Variants in DENND11 observed in about 807,000 individuals in gnomAD.
DENND11 encodes DENN domain containing 11.
A neutral mutation model predicts 49.2 loss-of-function variants in DENND11; 34 were observed. That is an observed-to-expected ratio of 0.69 (90% CI 0.53 to 0.92). The LOEUF (loss-of-function observed/expected upper bound fraction) is 0.92, where lower values mean the gene tolerates loss of function less well. Ranked by LOEUF, DENND11 falls within the 40% of genes least tolerant of loss-of-function variation. The pLI is 0.00. For synonymous variants in DENND11, 238 were observed against 230.3 expected (o/e 1.03, Z -0.30); for missense variants, 475 against 581.6 (o/e 0.82, Z 1.88).
intron 1 of DENND11, among the ~76,000 whole-genome samples, chr7:141,693,305 A>C (rs1798354966): frequency 6.6e-6 from 1 of 152,256 alleles, no homozygotes; most frequent in African/African-American, 2.4e-5. Flanking sequence ...AATAACAATG[A>C]GATATCATGA....
At chr7:141,664,793 CT>C (rs1267108724) in intron 7 of DENND11, 110 bp downstream of exon 7, 1 of 1,250,512 alleles carries the variant, frequency 8.0e-7, no homozygotes, top group Non-Finnish European at 1.1e-6. Context: ...AGCATGGAGA[CT>C]GGGAGAAATG....
Position 141,701,922 on chromosome 7 carries a change from C to T in DENND11, c.232G>A (p.Val78Met). The change falls in exon 1 of 9, where the codon GTG becomes ATG. Residue 78 changes from valine to methionine, a missense_variant. Transcript: ENST00000536163. ...TCGAAGGTGACCACGAACACGGCCA[C>T]CACCTGGTCCTCCTCCACGTCGCCC... ...ELGDVEEDQV[V>M]AVFVVTFDPR... is the part of the protein sequence containing the mutation. 2.5e-6 allele frequency: 3 copies of T among 1,212,012 alleles called. No homozygotes were observed. Among genetic ancestry groups the T allele is most frequent in the Non-Finnish European group, 3.1e-6 (3 of 974,906 alleles). The allele number at this position is 1,212,012 out of a possible 1,614,324, so 75.1% of individuals were successfully genotyped here.
chr7:141,699,053 G>T (rs965549498), intron 1 of DENND11, among the ~76,000 whole-genome samples: 1 of 152,162 alleles, frequency 6.6e-6, no homozygotes, highest in Non-Finnish European at 1.5e-5. Flanking sequence ...GCAGGCCAGC[G>T]AGAGAAACTA....
In DENND11 at chr7:141,680,480, T is replaced by C. The variant is rs142583765; in HGVS notation, c.527+4998A>G. 2.0e-3 allele frequency among the ~76,000 whole-genome samples: 300 copies of C among 152,172 alleles called. 1 individual carries two copies. Among genetic ancestry groups the C allele is most frequent in the African/African-American group, 6.7e-3 (280 of 41,568 alleles). On this transcript the variant is annotated intron_variant, in intron 3 of 8. Coordinates refer to ENST00000536163, the MANE Select transcript of DENND11 (RefSeq NM_001080392.2). ...ACTTTATGTGAGTGGTAGTCTGCCA[T>C]ACTCTTCTTCCTTTAGTAACAGAAC...
At chr7:141,687,270 A>G (rs936924018) in intron 1 of DENND11, among the ~76,000 whole-genome samples, 1 of 152,142 alleles carries the variant, frequency 6.6e-6, no homozygotes, top group Non-Finnish European at 1.5e-5. Context: ...TTCAAGGGAC[A>G]ATGATATTTG....
chr7:141,694,412 C>T (rs1033301510), intron 1 of DENND11, among the ~76,000 whole-genome samples: 2 of 152,072 alleles, frequency 1.3e-5, no homozygotes, highest in African/African-American at 4.8e-5. Context: ...AGGTATGCGC[C>T]ACCATGCCGG....
At chr7:141,692,768 C>T (rs1404066634) in intron 1 of DENND11, among the ~76,000 whole-genome samples, 1 of 152,040 alleles carries the variant, frequency 6.6e-6, no homozygotes, top group Non-Finnish European at 1.5e-5. Context: ...TCACTTGAGC[C>T]CAGGAGTTCA....
chr7:141,679,324 G>C (rs146529161), intron 3 of DENND11, among the ~76,000 whole-genome samples: 14 of 152,148 alleles, frequency 9.2e-5, no homozygotes, highest in African/African-American at 3.1e-4. Flanking sequence ...TGACAAGAAG[G>C]CAATGTTAAA....
chr7:141,664,836 A>C, intron 7 of DENND11, 68 bp downstream of exon 7: 1 of 1,497,226 alleles, frequency 6.7e-7, no homozygotes, highest in Non-Finnish European at 9.0e-7. Context: ...CAGGCTTTGC[A>C]GAGACCCCCA....
At chr7:141,693,177 C>G (rs984445887) in intron 1 of DENND11, among the ~76,000 whole-genome samples, 1 of 152,150 alleles carries the variant, frequency 6.6e-6, no homozygotes, top group African/African-American at 2.4e-5. Flanking sequence ...AGAAAACAAT[C>G]CAACTTTTTA....
At chr7:141,663,605 T>G (rs1346656131) in intron 8 of DENND11, 2 of 152,404 alleles carry the variant, frequency 1.3e-5, no homozygotes, top group Admixed American at 1.3e-4. Context: ...ATGCCCACAT[T>G]AAGTTTTCAG....
chr7:141,667,659 C>G (rs1183830177), intron 4 of DENND11, among the ~76,000 whole-genome samples: 1 of 152,154 alleles, frequency 6.6e-6, no homozygotes, highest in African/African-American at 2.4e-5. Flanking sequence ...GAGGCACCGA[C>G]TCTCGGGCTG....
intron 1 of DENND11, among the ~76,000 whole-genome samples, chr7:141,689,401 A>G (rs764247809): frequency 9.2e-5 from 14 of 152,196 alleles, no homozygotes; most frequent in Non-Finnish European, 2.1e-4. Context: ...GAGCTGAACA[A>G]TGAGAACACA....
intron 7 of DENND11, 139 bp from the exon 8 acceptor site, chr7:141,664,379 A>G: frequency 1.6e-6 from 1 of 644,894 alleles, no homozygotes; most frequent in Non-Finnish European, 2.8e-6. Flanking sequence ...CAGGGTTTGG[A>G]CTCAAAATCC....
In DENND11 at chr7:141,666,439, G is replaced by A. The variant is rs1202266298; in HGVS notation, c.682-14C>T. On this transcript the variant is annotated splice_polypyrimidine_tract_variant and intron_variant, in intron 4 of 8. Coordinates refer to ENST00000536163, the MANE Select transcript of DENND11 (RefSeq NM_001080392.2). Reference sequence around the variant, plus strand: ...TGGGTGTGTGATCTGAAAAAATTGAGGGGAATAGGGAGGAGAAAGAGTGAG... The same window carrying A: ...TGGGTGTGTGATCTGAAAAAATTGAAGGGAATAGGGAGGAGAAAGAGTGAG... 1 of 1,582,116 alleles carries A rather than the reference G, an allele frequency of 6.3e-7. No individual in the cohort carries two copies. The highest frequency in any genetic ancestry group is 8.6e-7 in the Non-Finnish European group (1 of 1,157,788).
rs370940722 is a variant in DENND11, at chr7:141,664,974, C to T, written c.1033G>A (p.Asp345Asn). 1.6e-5 allele frequency: 26 copies of T among 1,613,666 alleles called. No homozygotes were observed. The highest frequency in any genetic ancestry group is 8.3e-5 in the Admixed American group (5 of 59,986). ...ATCTTCAGCAGCGGCTGCAGGTGGT[C>T]GTGGTGTGTCTTCACATTCTGGTTA... ...VDNQNVKTHHDHLQPLLKINS... is the reference protein window; with the variant it reads ...VDNQNVKTHHNHLQPLLKINS... The change falls in exon 7 of 9, where the codon GAC (aspartate) becomes AAC (asparagine). Residue 345 changes from aspartate (D) to asparagine (N), a missense_variant. Coordinates refer to ENST00000536163, the MANE Select transcript of DENND11 (RefSeq NM_001080392.2).
chr7:141,685,023 AAAAAAAATAT>A (rs1411273954), intron 3 of DENND11, among the ~76,000 whole-genome samples: 13 of 102,544 alleles, frequency 1.3e-4, no homozygotes. Flanking sequence ...AAAAAAAAAA[AAAAAAAATAT>A]ATATATATAT....
chr7:141,685,081 T>C (rs918591386), intron 3 of DENND11, among the ~76,000 whole-genome samples: 1 of 145,420 alleles, frequency 6.9e-6, no homozygotes, highest in Non-Finnish European at 1.5e-5. Flanking sequence ...CTTTCTATTA[T>C]CCCAATCATA....
chr7:141,674,097 G>A lies in DENND11; in HGVS notation c.651C>T (p.Ser217=). 4 of 1,603,366 alleles carry A rather than the reference G, an allele frequency of 2.5e-6. No homozygotes were observed. The highest frequency in any genetic ancestry group is 3.4e-6 in the Non-Finnish European group (4 of 1,175,298). Residue 217 remains serine (S), a synonymous_variant, in exon 4 of 9, where the codon TCC becomes TCT. Coordinates refer to ENST00000536163, the MANE Select transcript of DENND11 (RefSeq NM_001080392.2). Reference sequence around the variant, plus strand: ...TCTCAGGGTACATGTATCGGTGGATGGAAGGCAGCCAGTAGACAGGGGGCA... The same window carrying A: ...TCTCAGGGTACATGTATCGGTGGATAGAAGGCAGCCAGTAGACAGGGGGCA... The part of the protein sequence containing the change: ...SSLPPVYWLP[S]IHRYMYPEMK...
Sources: allele counts gnomAD v4.1 joint callset (sites outside exome capture counted in the v4.1 genomes callset), GRCh38; gene constraint gnomAD v4.1.1; transcripts MANE v1.5; gene names NCBI Gene and HGNC (gene_info 2026-07-23, HGNC 2026-07-21).